Variants in SWT1 observed in about 807,000 individuals in gnomAD.
The protein encoded by SWT1 is SWT1 RNA endoribonuclease homolog, also known as transcriptional protein SWT1.
Under a neutral mutation model 107.3 loss-of-function variants are expected in SWT1, and 33 were observed. That is an observed-to-expected ratio of 0.31 (90% CI 0.23 to 0.41). The LOEUF is 0.41. Ranked by LOEUF, SWT1 falls within the 10% of genes least tolerant of loss-of-function variation. SWT1 has a pLI of 1.00. For missense variants in SWT1, 898 were observed against 1,028.9 expected (o/e 0.87, Z 1.74); for synonymous variants, 345 against 348.3 (o/e 0.99, Z 0.11).
Position 185,166,590 on chromosome 1 carries a change from A to C in SWT1, c.103A>C (p.Thr35Pro). The change falls in exon 3 of 19, where the codon ACC becomes CCC. Residue 35 changes from threonine to proline, a missense_variant. This residue lies in a region of SWT1 where 382 missense variants were observed against 362.4 expected (regional missense o/e 1.05). Transcript: ENST00000367500. ...TTCTTAGGACAAGAAAGAGAGAAAA[A>C]CCCCAGCAAGTTCTACTAGTTCATC... ...FGEKDKKERK[T>P]PASSTSSSSI... The C allele has an allele frequency of 6.2e-7, 1 of 1,603,284 alleles. No individual in the cohort carries two copies. The highest frequency in any genetic ancestry group is 8.5e-7 in the Non-Finnish European group (1 of 1,173,606).
At chr1:185,216,768 A>G (rs937041437) in intron 14 of SWT1, among the ~76,000 whole-genome samples, 5 of 152,118 alleles carry the variant, frequency 3.3e-5, no homozygotes, top group East Asian at 1.9e-4. Flanking sequence ...CCTGGCCAAC[A>G]TGGCAAAACC....
chr1:185,168,541 G>A lies in SWT1; in HGVS notation c.224+143G>A, dbSNP rs74508114. On this transcript the variant is annotated intron_variant, in intron 4 of 18. Transcript: ENST00000367500. ...AGCTATATAACTGATTATGATTATA[G>A]AATTGTCTTAATATTAACTATATTT... 158 of 342,522 alleles carry A rather than the reference G, an allele frequency of 4.6e-4. 1 individual carries two copies. The highest frequency in any genetic ancestry group is 3.3e-3 in the African/African-American group (148 of 45,252). The allele number at this position is 342,522 out of a possible 1,614,324, so 21.2% of individuals were successfully genotyped here. A position where few individuals can be genotyped will look rare whatever the true frequency, so the allele number is the denominator to read the frequency against.
At chr1:185,165,375 C>T (rs1046290107) in intron 2 of SWT1, among the ~76,000 whole-genome samples, 1 of 152,068 alleles carries the variant, frequency 6.6e-6, no homozygotes, top group Non-Finnish European at 1.5e-5. Flanking sequence ...TGCCATAAAC[C>T]TTCAATTTGT....
At chr1:185,261,308 T>C (rs1458765104) in intron 16 of SWT1, among the ~76,000 whole-genome samples, 1 of 152,142 alleles carries the variant, frequency 6.6e-6, no homozygotes, top group Non-Finnish European at 1.5e-5. Context: ...TTTTAAATAT[T>C]CATCTATGTT....
intron 15 of SWT1, among the ~76,000 whole-genome samples, chr1:185,229,631 T>A (rs1005387545): frequency 6.6e-6 from 1 of 151,888 alleles, no homozygotes; most frequent in Non-Finnish European, 1.5e-5. Flanking sequence ...AGCCACTCTC[T>A]CACAACCACA....
chr1:185,205,779 A>C (rs1401940818), intron 12 of SWT1, among the ~76,000 whole-genome samples: 2 of 152,188 alleles, frequency 1.3e-5, no homozygotes, highest in Admixed American at 6.6e-5. Context: ...ACAAAGTTGA[A>C]CCAAAATGAT....
At chr1:185,158,089 G>A (rs1653788263) in intron 1 of SWT1, among the ~76,000 whole-genome samples, 3 of 152,192 alleles carry the variant, frequency 2.0e-5, no homozygotes, top group Admixed American at 6.5e-5. Flanking sequence ...AGAACAAGAC[G>A]CGCGCTTCCA....
rs200127447 is a variant in SWT1, at chr1:185,274,336, G to GAT, written c.2509-2257_2509-2256dup. ...ATATATATATTATATATAGATGTCA[G>GAT]ATATATATATATTTGTCACAGTCAT... On this transcript the variant is annotated intron_variant, in intron 17 of 18. Coordinates refer to ENST00000367500, the MANE Select transcript of SWT1 (RefSeq NM_017673.7). 8.4e-3 allele frequency among the ~76,000 whole-genome samples: 1,235 copies of GAT among 147,600 alleles called. 23 individuals are homozygous for GAT. Among genetic ancestry groups the GAT allele is most frequent in the African/African-American group, 0.029 (1,172 of 40,504 alleles).
chr1:185,189,870 A>G (rs1464648605), intron 9 of SWT1, among the ~76,000 whole-genome samples: 1 of 147,662 alleles, frequency 6.8e-6, no homozygotes, highest in Non-Finnish European at 1.5e-5. Flanking sequence ...TTTTTTTGAG[A>G]TGGAGTCTCA....
At chr1:185,225,637 C>G (rs1322326628) in intron 15 of SWT1, among the ~76,000 whole-genome samples, 1 of 152,056 alleles carries the variant, frequency 6.6e-6, no homozygotes, top group East Asian at 1.9e-4. Context: ...ACAGTAATAT[C>G]CTGTACAGAT....
Position 185,176,668 on chromosome 1 carries a change from C to T in SWT1, c.966+1555C>T, listed in dbSNP as rs899012412. The stretch of plus-strand genomic sequence containing the variant: ...CCACTGATAAACAGGGATGGTTAAG[C>T]CTACCTGCTTTTAGGTATTAAGACT... On this transcript the variant is annotated intron_variant, in intron 5 of 18. Coordinates refer to ENST00000367500, the MANE Select transcript of SWT1 (RefSeq NM_017673.7). 2.1e-5 allele frequency: 21 copies of T among 985,156 alleles called. No homozygotes were observed. The African/African-American group carries it at 3.5e-4, about 16-fold the overall frequency. 61.0% of individuals were successfully genotyped at this position (985,156 alleles called of 1,614,324 possible). A position where few individuals can be genotyped will look rare whatever the true frequency, so the allele number is the denominator to read the frequency against.
At position 185,221,887 on chromosome 1, in the gene SWT1, A is replaced by G. The variant is rs148843903; in HGVS notation, c.2160A>G (p.Thr720=). The G allele has an allele frequency of 5.6e-6, 9 of 1,604,966 alleles. No homozygotes were observed. The African/African-American group carries it at 1.2e-4, about 22-fold the overall frequency. Residue 720 remains threonine (T), a synonymous_variant, in exon 15 of 19, where the codon ACA becomes ACG. Coordinates refer to ENST00000367500, the MANE Select transcript of SWT1 (RefSeq NM_017673.7). The stretch of plus-strand genomic sequence containing the variant: ...TTAAGCCAAATTCTTCAGAAAACAC[A>G]GTGACTAAAAAGCAGGAAGGTACTT... ...TKLKPNSSEN[T]VTKKQEGTSL...
At chr1:185,204,163 A>G (rs1227406208) in intron 11 of SWT1, among the ~76,000 whole-genome samples, 1 of 152,148 alleles carries the variant, frequency 6.6e-6, no homozygotes, top group Non-Finnish European at 1.5e-5. Context: ...CGTTTTTGCC[A>G]GCTACTCGGG....
intron 16 of SWT1, chr1:185,263,622 G>A (rs1389863983): frequency 1.3e-5 from 2 of 152,204 alleles, no homozygotes; most frequent in Middle Eastern, 3.2e-3. Flanking sequence ...CCTAATTAAC[G>A]AGATGGATTT....
At chr1:185,265,783 A>C (rs1276895186) in intron 16 of SWT1, among the ~76,000 whole-genome samples, 2 of 152,242 alleles carry the variant, frequency 1.3e-5, no homozygotes, top group African/African-American at 4.8e-5. Flanking sequence ...TGTTATCCTC[A>C]ATAACAATGT....
At chr1:185,227,356 T>C (rs1262657126) in intron 15 of SWT1, 5 of 724,844 alleles carry the variant, frequency 6.9e-6, no homozygotes, top group Non-Finnish European at 1.3e-5. Flanking sequence ...ATCTTGTCCA[T>C]GCCAAACCTA....
intron 2 of SWT1, 146 bp downstream of exon 2, chr1:185,161,071 T>G: frequency 1.6e-6 from 1 of 622,678 alleles, no homozygotes; most frequent in Non-Finnish European, 2.8e-6. Context: ...TTTCCGGTTT[T>G]TTACTTGCAT....
At chr1:185,277,012 T>C (rs1284358959) in intron 18 of SWT1, among the ~76,000 whole-genome samples, 1 of 152,174 alleles carries the variant, frequency 6.6e-6, no homozygotes, top group Admixed American at 6.5e-5. Context: ...AATGTTTATT[T>C]ATTAATTCAT....
intron 16 of SWT1, among the ~76,000 whole-genome samples, chr1:185,268,337 T>C (rs969652279): frequency 6.6e-6 from 1 of 152,238 alleles, no homozygotes; most frequent in Non-Finnish European, 1.5e-5. Flanking sequence ...ACTTCTTTCT[T>C]AGAAACTTAA....
Sources: gnomAD v4.1 joint callset for allele counts (sites outside exome capture counted in the v4.1 genomes callset) on GRCh38, gnomAD v4.1.1 for gene constraint, gnomAD v4.1.1 regional missense constraint, MANE v1.5 for transcripts, NCBI Gene and HGNC (gene_info 2026-07-23, HGNC 2026-07-21) for gene names.